The following PAH variants were observed in gnomAD, a reference collection of about 807,000 sequenced individuals.
PAH encodes phenylalanine-4-hydroxylase.
PAH carries 64 observed loss-of-function variants against 62.0 expected under a neutral mutation model. The observed-to-expected ratio is 1.03, with a 90% CI of 0.84 to 1.27. The LOEUF is 1.27. PAH is among the 50% of genes most tolerant of loss of function. The probability of loss-of-function intolerance (pLI) is 0.00; values close to 1 mark genes in which losing one functional copy is unlikely to be tolerated. For missense variants in PAH, 579 were observed against 542.8 expected (o/e 1.07, Z -0.66); for synonymous variants, 195 against 196.2 (o/e 0.99, Z 0.05).
At chr12:102,948,817 G>A (rs948769052) in intron 1 of PAH, among the ~76,000 whole-genome samples, 2 of 152,150 alleles carry the variant, frequency 1.3e-5, no homozygotes, top group South Asian at 4.1e-4. Context: ...TTCTGATTTG[G>A]TGGGTCTGGG....
chr12:102,876,747 A>G (rs1328994880), intron 4 of PAH, among the ~76,000 whole-genome samples: 1 of 152,128 alleles, frequency 6.6e-6, no homozygotes, highest in African/African-American at 2.4e-5. Context: ...TCTGCCCCAG[A>G]GTAGAGGGAA....
At chr12:102,952,096 G>A (rs568165779), upstream of PAH, among the ~76,000 whole-genome samples, 5 of 152,206 alleles carry the variant, frequency 3.3e-5, no homozygotes, top group South Asian at 2.1e-4. Context: ...CAAAGAAGCC[G>A]TACAACAAAG....
At chr12:102,845,544 A>G (rs986258775) in intron 9 of PAH, among the ~76,000 whole-genome samples, 1 of 152,204 alleles carries the variant, frequency 6.6e-6, no homozygotes, top group African/African-American at 2.4e-5. Context: ...ACAGTTCAAT[A>G]TGTCCTAGAG....
chr12:102,919,855 G>T (rs1024983766), upstream of PAH, among the ~76,000 whole-genome samples: 5 of 152,156 alleles, frequency 3.3e-5, no homozygotes, highest in African/African-American at 1.2e-4. Flanking sequence ...TGTTGATGGA[G>T]ACTTGGGTTG....
At chr12:102,903,934 T>G (rs1877869330) in intron 2 of PAH, among the ~76,000 whole-genome samples, 1 of 152,148 alleles carries the variant, frequency 6.6e-6, no homozygotes, top group African/African-American at 2.4e-5. Flanking sequence ...CCACTTACAG[T>G]AAAGACTCTC....
intron 1 of PAH, among the ~76,000 whole-genome samples, chr12:102,942,589 A>C (rs1489544534): frequency 6.6e-6 from 1 of 152,154 alleles, no homozygotes; most frequent in Non-Finnish European, 1.5e-5. Context: ...TGAAACCAAA[A>C]AAGAACCTAG....
At chr12:102,922,073 C>T (rs1211627670), upstream of PAH, among the ~76,000 whole-genome samples, 3 of 152,054 alleles carry the variant, frequency 2.0e-5, no homozygotes, top group Middle Eastern at 3.4e-3. Context: ...CAAAGATAAC[C>T]AATGTTGTCA....
chr12:102,847,816 G>A (rs1253855866), intron 8 of PAH, among the ~76,000 whole-genome samples: 1 of 152,170 alleles, frequency 6.6e-6, no homozygotes, highest in Admixed American at 6.6e-5. Context: ...TGGAGTTGTT[G>A]GTTATACTGA....
Position 102,942,160 on chromosome 12 carries a change from C to T in PAH, c.-96+8429G>A, listed in dbSNP as rs1013017523. ...CTTCATAGATGTTATGATCCTATACCAAGAAAACCCCATTGTGTCTGCTCT... is the reference window on the plus strand; with the variant it reads ...CTTCATAGATGTTATGATCCTATACTAAGAAAACCCCATTGTGTCTGCTCT... On this transcript the variant is annotated intron_variant, in intron 1 of 3. Transcript: ENST00000546844. Among the ~76,000 whole-genome samples, 22 of 151,976 alleles carry T rather than the reference C, an allele frequency of 1.4e-4. 1 individual carries two copies. The highest frequency in any genetic ancestry group is 3.9e-4 in the Admixed American group (6 of 15,264).
chr12:102,933,479 G>A (rs1878991093), intron 1 of PAH, among the ~76,000 whole-genome samples: 1 of 151,904 alleles, frequency 6.6e-6, no homozygotes, highest in Admixed American at 6.6e-5. Context: ...CCTTTATTTG[G>A]GGTATATACC....
chr12:102,858,417 CAAGA>C (rs1336614477), intron 5 of PAH, among the ~76,000 whole-genome samples: 3 of 152,180 alleles, frequency 2.0e-5, no homozygotes, highest in Non-Finnish European at 2.9e-5. Context: ...GACAGATCAA[CAAGA>C]AAGAAAGTTA....
intron 2 of PAH, among the ~76,000 whole-genome samples, chr12:102,910,727 TG>T (rs1757454858): frequency 6.6e-6 from 1 of 152,200 alleles, no homozygotes; most frequent in Admixed American, 6.5e-5. Flanking sequence ...AAGCACATGC[TG>T]GGTATTTGGA....
At chr12:102,890,774 C>G (rs1163991931) in intron 3 of PAH, among the ~76,000 whole-genome samples, 2 of 152,182 alleles carry the variant, frequency 1.3e-5, no homozygotes, top group Non-Finnish European at 2.9e-5. Context: ...TTACATGATG[C>G]CTCTATGTGA....
At chr12:102,954,399 C>A (rs1293047338), upstream of PAH, among the ~76,000 whole-genome samples, 1 of 152,176 alleles carries the variant, frequency 6.6e-6, no homozygotes, top group African/African-American at 2.4e-5. Flanking sequence ...TGCCACACAC[C>A]CTTTCCTGGG....
At chr12:102,866,449 A>G in intron 5 of PAH, 147 bp downstream of exon 5, 1 of 732,156 alleles carries the variant, frequency 1.4e-6, no homozygotes, top group South Asian at 1.4e-5. Flanking sequence ...CCACACACAC[A>G]TACACGCATG....
intron 1 of PAH, among the ~76,000 whole-genome samples, chr12:102,924,495 A>AT (rs528447016): frequency 6.4e-4 from 98 of 152,204 alleles, no homozygotes; most frequent in Non-Finnish European, 1.2e-3. Context: ...TCAAGGATAT[A>AT]TGCACAGCAA....
At chr12:102,887,471 C>T (rs2136692257) in intron 3 of PAH, among the ~76,000 whole-genome samples, 1 of 152,122 alleles carries the variant, frequency 6.6e-6, no homozygotes, top group South Asian at 2.1e-4. Context: ...CTGCCACCAA[C>T]TCTTTATATA....
chr12:102,877,436 T>C lies in PAH; in HGVS notation c.441+26A>G, dbSNP rs79643666. On this transcript the variant is annotated intron_variant, in intron 4 of 12. Transcript: ENST00000553106. ...GAGTGGAGGAGAGGCACTGAAAAAA[T>C]CTCATCCTACGGGCCATGGACTCAC... 7.6e-3 allele frequency: 11,861 copies of C among 1,568,674 alleles called. 697 individuals are homozygous for C. The African/African-American group carries it at 0.13, about 18-fold the overall frequency.
chr12:102,855,577 C>T (rs1361803290), intron 5 of PAH, among the ~76,000 whole-genome samples: 1 of 152,168 alleles, frequency 6.6e-6, no homozygotes, highest in Non-Finnish European at 1.5e-5. Flanking sequence ...AGGATTTGCT[C>T]TCACTTTCGG....
Sources: allele counts gnomAD v4.1 joint callset (sites outside exome capture counted in the v4.1 genomes callset), GRCh38; gene constraint gnomAD v4.1.1; transcripts MANE v1.5; gene names NCBI Gene and HGNC (gene_info 2026-07-23, HGNC 2026-07-21).